The following KIRREL3 variants were observed in gnomAD, a reference collection of about 807,000 sequenced individuals.
KIRREL3 encodes the protein kin of IRRE-like protein 3.
Under a neutral mutation model 89.7 loss-of-function variants are expected in KIRREL3, and 36 were observed. That is an observed-to-expected ratio of 0.40 (90% CI 0.31 to 0.53). The LOEUF (loss-of-function observed/expected upper bound fraction) is 0.53, where lower values mean the gene tolerates loss of function less well. Ranked by LOEUF, KIRREL3 falls within the 20% of genes least tolerant of loss-of-function variation. The pLI, the probability that KIRREL3 is intolerant of heterozygous loss-of-function variation, is 0.49. For missense variants in KIRREL3, 864 were observed against 1,056.6 expected, an observed-to-expected ratio of 0.82 and a Z score of 2.53; for synonymous variants, 445 against 441.4, an observed-to-expected ratio of 1.01 and a Z score of -0.10.
At chr11:126,960,977 T>C (rs1949067916) in intron 1 of KIRREL3, among the ~76,000 whole-genome samples, 2 of 152,206 alleles carry the variant, frequency 1.3e-5, no homozygotes, top group Admixed American at 1.3e-4. Context: ...TGATCTTTGA[T>C]GTTAATATTG....
In KIRREL3 at chr11:126,843,568, C is replaced by T. The variant is rs1458628505; in HGVS notation, c.55+156887G>A. ...GCCTAAGCGATAACTGGAGTCCCGACGGCTAGTGAGTGGGACCGTCAGAGG... is the reference window on the plus strand; with the variant it reads ...GCCTAAGCGATAACTGGAGTCCCGATGGCTAGTGAGTGGGACCGTCAGAGG... On this transcript the variant is annotated intron_variant, in intron 1 of 16. Transcript: ENST00000525144. The surrounding 1 kb of genome is among the most constrained non-coding windows in gnomAD (Gnocchi z 4.6). 1.2e-4 allele frequency among the ~76,000 whole-genome samples: 18 copies of T among 152,158 alleles called. No homozygotes were observed. Among genetic ancestry groups the T allele is most frequent in the Non-Finnish European group, 4.4e-5 (3 of 68,016 alleles).
rs867102624 is a variant in KIRREL3 at position 126,870,396 on chromosome 11, G to A, written c.55+130059C>T. Among the ~76,000 whole-genome samples the A allele has an allele frequency of 6.6e-6, 1 of 152,240 alleles. No homozygotes were observed. The highest frequency in any genetic ancestry group is 1.5e-5 in the Non-Finnish European group (1 of 68,034). ...GCTGGAGGTCCCATCCAGTCAAGTGGCTCGCCACTTAGGTCTGAACCAAAG... is the reference window on the plus strand; with the variant it reads ...GCTGGAGGTCCCATCCAGTCAAGTGACTCGCCACTTAGGTCTGAACCAAAG... On this transcript the variant is annotated intron_variant, in intron 1 of 16. Coordinates refer to ENST00000525144, the MANE Select transcript of KIRREL3 (RefSeq NM_032531.4). This position sits in a 1 kb window ranked among gnomAD's most constrained non-coding sequence, Gnocchi z 4.4.
Position 126,704,587 on chromosome 11 carries a change from G to T in KIRREL3, c.56-141675C>A, listed in dbSNP as rs368953451. ...GTGTTGTGTGTCCCTGTACACGTGC[G>T]TATTTGGCTCAGGCTGACTTTCCAT... On this transcript the variant is annotated intron_variant, in intron 1 of 16. Transcript: ENST00000525144. This position sits in a 1 kb window ranked among gnomAD's most constrained non-coding sequence, Gnocchi z 4.2. 9.9e-5 allele frequency among the ~76,000 whole-genome samples: 15 copies of T among 152,150 alleles called. No homozygotes were observed. The highest frequency in any genetic ancestry group is 2.1e-4 in the Non-Finnish European group (14 of 68,030).
intron 1 of KIRREL3, among the ~76,000 whole-genome samples, chr11:126,881,605 T>C (rs112575189): frequency 0.013 from 2,029 of 152,300 alleles, 46 homozygotes; most frequent in African/African-American, 0.046. Context: ...TGGAGTGCAG[T>C]GGTGCAATCT....
At chr11:126,732,699 C>T (rs754729534) in intron 1 of KIRREL3, among the ~76,000 whole-genome samples, 4 of 152,186 alleles carry the variant, frequency 2.6e-5, no homozygotes, top group Non-Finnish European at 5.9e-5. Flanking sequence ...TCTGAGAAAA[C>T]ATGGAGAAAA....
chr11:126,803,737 C>G (rs1031512562), intron 1 of KIRREL3, among the ~76,000 whole-genome samples: 1 of 152,132 alleles, frequency 6.6e-6, no homozygotes, highest in Non-Finnish European at 1.5e-5. Context: ...CCGCCACCCC[C>G]AACTCAGTAC....
chr11:126,728,236 A>G (rs1365545415), intron 1 of KIRREL3, among the ~76,000 whole-genome samples: 3 of 152,068 alleles, frequency 2.0e-5, no homozygotes, highest in Non-Finnish European at 4.4e-5. Context: ...ATAGCTCTGT[A>G]GTCTTGGGTG....
rs574885667 is a variant in KIRREL3, at chr11:126,638,009, T to C, written c.56-75097A>G. On this transcript the variant is annotated intron_variant, in intron 1 of 16. Transcript: ENST00000525144. Reference sequence around the variant, plus strand: ...TAAATATTGAGGAATGGAGAGAATTTAGCTTTGCAGAGTTTGCTTTCATTG... The same window carrying C: ...TAAATATTGAGGAATGGAGAGAATTCAGCTTTGCAGAGTTTGCTTTCATTG... Among the ~76,000 whole-genome samples the C allele has an allele frequency of 1.2e-4, 18 of 152,356 alleles. No individual in the cohort carries two copies. The South Asian group carries it at 2.9e-3, about 25-fold the overall frequency.
intron 11 of KIRREL3, among the ~76,000 whole-genome samples, chr11:126,438,819 T>G (rs1457659254): frequency 6.6e-6 from 1 of 152,206 alleles, no homozygotes; most frequent in Non-Finnish European, 1.5e-5. Context: ...AATATCTTAG[T>G]TAACAGGATG....
rs1958097328 is a variant in KIRREL3, at chr11:126,508,458, G to A, written c.433+12857C>T. Among the ~76,000 whole-genome samples the A allele has an allele frequency of 6.6e-6, 1 of 152,172 alleles. No homozygotes were observed. The highest frequency in any genetic ancestry group is 1.5e-5 in the Non-Finnish European group (1 of 68,042). ...GGGCTCCCCAGGTCCATCTGAGGAG[G>A]AGGGGCTGCCAGGAAGGGTTTTTGG... On this transcript the variant is annotated intron_variant, in intron 4 of 16. Transcript: ENST00000525144. The surrounding 1 kb of genome is among the most constrained non-coding windows in gnomAD (Gnocchi z 4.9).
rs1940943539 is a variant in KIRREL3 at position 126,571,731 on chromosome 11, A to T, written c.56-8819T>A. Among the ~76,000 whole-genome samples, 1 of 151,958 alleles carries T rather than the reference A, an allele frequency of 6.6e-6. No individual in the cohort carries two copies. The highest frequency in any genetic ancestry group is 1.5e-5 in the Non-Finnish European group (1 of 68,006). On this transcript the variant is annotated intron_variant, in intron 1 of 16. Coordinates refer to ENST00000525144, the MANE Select transcript of KIRREL3 (RefSeq NM_032531.4). The surrounding 1 kb of genome is among the most constrained non-coding windows in gnomAD (Gnocchi z 7.7). ...GCTAATCATGAATGAGATTCTTTGG[A>T]CTTCCAGTATAATCCGTTTGTGAGA...
intron 2 of KIRREL3, among the ~76,000 whole-genome samples, chr11:126,538,486 T>A (rs1784232): frequency 0.45 from 67,986 of 151,872 alleles, 15,979 homozygotes; most frequent in East Asian, 0.86. Context: ...CGTGACTCAG[T>A]TCATACCTCG....
intron 1 of KIRREL3, among the ~76,000 whole-genome samples, chr11:126,584,636 A>G (rs1254423757): frequency 1.3e-5 from 2 of 152,204 alleles, no homozygotes; most frequent in African/African-American, 4.8e-5. Context: ...CACTCAGAGT[A>G]ACACCACCAA....
chr11:126,444,845 T>C (rs955112204), intron 10 of KIRREL3, 134 bp downstream of exon 10: 5 of 1,187,980 alleles, frequency 4.2e-6, no homozygotes, highest in Admixed American at 2.2e-5. Flanking sequence ...GACCTAATTG[T>C]TGTCTACCCA....
At chr11:126,711,452 C>A (rs1304375686) in intron 1 of KIRREL3, among the ~76,000 whole-genome samples, 1 of 152,084 alleles carries the variant, frequency 6.6e-6, no homozygotes. Flanking sequence ...ATCCCAGCTA[C>A]TTGGGAGGCT....
At chr11:126,700,351 C>T (rs1202188953) in intron 1 of KIRREL3, among the ~76,000 whole-genome samples, 1 of 152,194 alleles carries the variant, frequency 6.6e-6, no homozygotes, top group Non-Finnish European at 1.5e-5. Flanking sequence ...GAAGAGGCAG[C>T]GTACCACCTT....
Position 126,496,119 on chromosome 11 carries a change from T to C in KIRREL3, c.434-22653A>G, listed in dbSNP as rs1264537648. 6.6e-6 allele frequency among the ~76,000 whole-genome samples: 1 copy of C among 152,152 alleles called. No homozygotes were observed. Among genetic ancestry groups the C allele is most frequent in the Non-Finnish European group, 1.5e-5 (1 of 68,022 alleles). Reference sequence around the variant, plus strand: ...TCAGTTTCTTGACCTGCAGAAACTGTGAGAGCTAAGAAATGATTCCTGTAA... The same window carrying C: ...TCAGTTTCTTGACCTGCAGAAACTGCGAGAGCTAAGAAATGATTCCTGTAA... On this transcript the variant is annotated intron_variant, in intron 4 of 16. Coordinates refer to ENST00000525144, the MANE Select transcript of KIRREL3 (RefSeq NM_032531.4). The surrounding 1 kb of genome is among the most constrained non-coding windows in gnomAD (Gnocchi z 4.9).
Position 126,807,762 on chromosome 11 carries a change from G to A in KIRREL3, c.55+192693C>T, listed in dbSNP as rs1172721706. Among the ~76,000 whole-genome samples, 1 of 152,162 alleles carries A rather than the reference G, an allele frequency of 6.6e-6. No individual in the cohort carries two copies. The highest frequency in any genetic ancestry group is 1.5e-5 in the Non-Finnish European group (1 of 68,036). ...TCTACATGTCTACTCTGATGTGGTT[G>A]GAGAGTCCTTTAATGGGTGCTGCTG... On this transcript the variant is annotated intron_variant, in intron 1 of 16. Transcript: ENST00000525144. The surrounding 1 kb of genome is among the most constrained non-coding windows in gnomAD (Gnocchi z 4.3).
intron 1 of KIRREL3, among the ~76,000 whole-genome samples, chr11:126,646,060 T>C (rs966145536): frequency 1.3e-5 from 2 of 152,232 alleles, no homozygotes; most frequent in East Asian, 3.9e-4. Context: ...TTTATTAAAA[T>C]AATAATACTC....
Sources: allele counts gnomAD v4.1 joint callset (sites outside exome capture counted in the v4.1 genomes callset), GRCh38; gene constraint gnomAD v4.1.1; non-coding constraint Gnocchi (gnomAD v3.1); transcripts MANE v1.5; gene names NCBI Gene and HGNC (gene_info 2026-07-23, HGNC 2026-07-21).